The following HEPH variants were observed in gnomAD, a reference collection of about 807,000 sequenced individuals.
HEPH encodes hephaestin.
Under a neutral mutation model 80.8 loss-of-function variants are expected in HEPH, and 69 were observed. The ratio of observed to expected loss-of-function variants is 0.85; its 90% CI spans 0.70 to 1.04. The LOEUF is 1.04. Among genes scored for constraint, HEPH ranks in the 50% least tolerant of loss-of-function variants. The probability of loss-of-function intolerance (pLI) is 0.00; values close to 1 mark genes in which losing one functional copy is unlikely to be tolerated. For synonymous variants in HEPH, 431 were observed against 322.8 expected (o/e 1.34, Z -3.60); for missense variants, 1,115 against 891.3 (o/e 1.25, Z -3.20).
At chrX:66,200,169 A>G (rs2088348820) in intron 11 of HEPH, among the ~76,000 whole-genome samples, 1 of 109,750 alleles carries the variant, frequency 9.1e-6, no homozygotes, top group South Asian at 4.0e-4. Flanking sequence ...AGTGGTTGTA[A>G]AAGGACCAGA....
At chrX:66,193,352 G>T (rs777115188) in intron 7 of HEPH, 150 bp from the exon 8 acceptor site, 1 of 335,153 alleles carries the variant, frequency 3.0e-6, no homozygotes, top group Non-Finnish European at 5.2e-6. Flanking sequence ...TGCCACCAAA[G>T]GAGATATCTT....
chrX:66,257,515 G>GA (rs2091220190), intron 17 of HEPH, among the ~76,000 whole-genome samples: 2 of 112,137 alleles, frequency 1.8e-5, no homozygotes, highest in South Asian at 7.4e-4. Context: ...AAGGCTAATT[G>GA]AAAAACTGAT....
intron 9 of HEPH, 40 bp downstream of exon 9, chrX:66,195,269 G>C: frequency 9.6e-7 from 1 of 1,042,265 alleles, no homozygotes. Context: ...GGCTCTAGGT[G>C]GTACCATGTG....
At chrX:66,259,141 C>T (rs952314064) in intron 18 of HEPH, among the ~76,000 whole-genome samples, 162 bp downstream of exon 18, 1 of 112,088 alleles carries the variant, frequency 8.9e-6, no homozygotes, top group Non-Finnish European at 1.9e-5. Flanking sequence ...GCTGTATATC[C>T]TAGACTCAAT....
intron 15 of HEPH, among the ~76,000 whole-genome samples, chrX:66,224,488 CCTTTT>C (rs1569359209): frequency 2.7e-5 from 3 of 112,078 alleles, no homozygotes; most frequent in African/African-American, 9.7e-5. Context: ...GTTAAATCAT[CCTTTT>C]CTTTTATTGC....
intron 15 of HEPH, among the ~76,000 whole-genome samples, chrX:66,221,616 A>C (rs2089651436): frequency 8.9e-6 from 1 of 112,659 alleles, no homozygotes. Flanking sequence ...CCAGGGCCCC[A>C]CAGTCTGGGT....
At chrX:66,208,627 CATACATATAT>C (rs2088933353) in intron 15 of HEPH, among the ~76,000 whole-genome samples, 1 of 35,769 alleles carries the variant, frequency 2.8e-5, no homozygotes, top group African/African-American at 9.9e-5. Flanking sequence ...CAAATATATA[CATACATATAT>C]ATATATATAT....
At chrX:66,259,519 C>G (rs1299528461) in intron 18 of HEPH, among the ~76,000 whole-genome samples, 1 of 111,629 alleles carries the variant, frequency 9.0e-6, no homozygotes, top group Non-Finnish European at 1.9e-5. Context: ...AAATATATGC[C>G]TCATTCATAG....
At chrX:66,218,544 G>A (rs751371542) in intron 15 of HEPH, among the ~76,000 whole-genome samples, 2 of 111,941 alleles carry the variant, frequency 1.8e-5, no homozygotes, top group South Asian at 7.6e-4. Flanking sequence ...TACAATAGTG[G>A]TGCAAATGTA....
intron 6 of HEPH, 27 bp downstream of exon 6, chrX:66,189,965 G>A (rs760261866): frequency 3.7e-4 from 423 of 1,147,339 alleles, no homozygotes; most frequent in Non-Finnish European, 4.4e-4. Context: ...CTGACCATTG[G>A]GTTGTAAGAG....
intron 4 of HEPH, among the ~76,000 whole-genome samples, chrX:66,176,837 T>G (rs1343110739): frequency 1.8e-5 from 2 of 111,910 alleles, no homozygotes; most frequent in African/African-American, 6.5e-5. Flanking sequence ...AACTCATCAT[T>G]TTTTATGGCT....
At chrX:66,176,673 T>C (rs1177945146) in intron 4 of HEPH, among the ~76,000 whole-genome samples, 4 of 110,399 alleles carry the variant, frequency 3.6e-5, no homozygotes, top group African/African-American at 1.3e-4. Context: ...CAACAGTCCC[T>C]GGTGTGTGAT....
In HEPH at chrX:66,170,521, C is replaced by T. The variant is rs746085106; in HGVS notation, c.-13-37C>T. 3 of 1,167,881 alleles carry T rather than the reference C, an allele frequency of 2.6e-6. No homozygotes were observed. In the South Asian group the frequency reaches 5.7e-5, roughly 22 times the overall value. ...CGTAGAAAGCCCCTTTGTTCTCTTT[C>T]TTCTACACCAGCAGTTTTTATTTGC... On this transcript the variant is annotated intron_variant, in intron 1 of 20. Transcript: ENST00000343002.
At chrX:66,266,252 C>CTGTTACA (rs1489387962) in intron 20 of HEPH, among the ~76,000 whole-genome samples, 188 bp from the exon 21 acceptor site, 1 of 110,922 alleles carries the variant, frequency 9.0e-6, no homozygotes, top group East Asian at 2.8e-4. Context: ...ACCCTTATAG[C>CTGTTACA]TGTTACATCA....
intron 7 of HEPH, 74 bp downstream of exon 7, chrX:66,192,372 G>T: frequency 9.9e-7 from 1 of 1,009,423 alleles, no homozygotes; most frequent in South Asian, 2.4e-5. Flanking sequence ...CTTTCTTCCA[G>T]AAATCTCTCA....
rs144537765 is a variant in HEPH, at chrX:66,196,752, C to T, written c.1502-931C>T. ...TCAAAATGACAGTCTTGTAGGCAAACGACAGCATCAACAAAACTCACTGTT... is the reference window on the plus strand; with the variant it reads ...TCAAAATGACAGTCTTGTAGGCAAATGACAGCATCAACAAAACTCACTGTT... On this transcript the variant is annotated intron_variant, in intron 9 of 20. Transcript: ENST00000343002. Among the ~76,000 whole-genome samples the T allele has an allele frequency of 3.3e-3, 371 of 111,896 alleles. 4 individuals are homozygous for T. Among genetic ancestry groups the T allele is most frequent in the African/African-American group, 0.011 (348 of 30,853 alleles).
intron 9 of HEPH, among the ~76,000 whole-genome samples, chrX:66,196,328 G>A (rs896619234): frequency 9.0e-6 from 1 of 111,355 alleles, no homozygotes; most frequent in Non-Finnish European, 1.9e-5. Flanking sequence ...AATAAAGATG[G>A]CAAAATGTTA....
intron 6 of HEPH, among the ~76,000 whole-genome samples, chrX:66,190,702 AATGAT>A (rs1339371611): frequency 8.9e-6 from 1 of 111,898 alleles, no homozygotes; most frequent in Non-Finnish European, 1.9e-5. Context: ...GTGTCAGAAA[AATGAT>A]ATGTGAGTAC....
At position 66,194,255 on chromosome X, in the gene HEPH, C is replaced by T. The variant is rs1333279401; in HGVS notation, c.1369+617C>T. Among the ~76,000 whole-genome samples, 13 of 111,619 alleles carry T rather than the reference C, an allele frequency of 1.2e-4. No individual in the cohort carries two copies. In the Admixed American group the frequency reaches 1.2e-3, roughly 11 times the overall value. On this transcript the variant is annotated intron_variant, in intron 8 of 20. Transcript: ENST00000343002. ...AGGTGTGTGCCAGTTGATTCTAGATCTGATAATGGACAATAGATCTTACAT... is the reference window on the plus strand; with the variant it reads ...AGGTGTGTGCCAGTTGATTCTAGATTTGATAATGGACAATAGATCTTACAT...
Sources: gnomAD v4.1 joint callset for allele counts (sites outside exome capture counted in the v4.1 genomes callset) on GRCh38, gnomAD v4.1.1 for gene constraint, MANE v1.5 for transcripts, NCBI Gene and HGNC (gene_info 2026-07-23, HGNC 2026-07-21) for gene names.